The following ASL variants were observed in gnomAD, a reference collection of about 807,000 sequenced individuals.
ASL encodes the protein argininosuccinase.
A neutral mutation model predicts 69.1 loss-of-function variants in ASL; 51 were observed. The observed-to-expected ratio is 0.74, with a 90% confidence interval of 0.59 to 0.93. The LOEUF is 0.93. ASL is among the 40% of genes least tolerant of loss of function. The pLI, the probability that ASL is intolerant of heterozygous loss-of-function variation, is 0.00. For missense variants in ASL, 540 were observed against 623.9 expected, an observed-to-expected ratio of 0.87 and a Z score of 1.43; for synonymous variants, 241 against 247.6, an observed-to-expected ratio of 0.97 and a Z score of 0.25.
chr7:66,076,305 C>A (rs1786345488), intron 2 of ASL, among the ~76,000 whole-genome samples: 1 of 152,214 alleles, frequency 6.6e-6, no homozygotes, highest in African/African-American at 2.4e-5. Flanking sequence ...GCAGGCAGCC[C>A]TTGTGGCAAA....
At position 66,086,862 on chromosome 7, in the gene ASL, G is replaced by C. The variant is rs373263353; in HGVS notation, c.602+41G>C. 2.7e-4 allele frequency: 412 copies of C among 1,544,528 alleles called. No homozygotes were observed. The African/African-American group carries it at 5.0e-3, about 19-fold the overall frequency. The stretch of plus-strand genomic sequence containing the variant: ...GTGCCCCGAGGGCCTGGTGGGGGTG[G>C]CTGCTGCATAGCCTTAGGGATTGAC... On this transcript the variant is annotated intron_variant, in intron 8 of 16. Coordinates refer to ENST00000304874, the MANE Select transcript of ASL (RefSeq NM_000048.4).
At chr7:66,087,243 CGTGTGTGTGTGTGTGTGT>C (rs60055215) in intron 8 of ASL, 73 bp from the exon 9 acceptor site, 21 of 976,742 alleles carry the variant, frequency 2.2e-5, no homozygotes, top group Middle Eastern at 2.2e-4. Flanking sequence ...TGTGTGCGTT[CGTGTGTGTGTGTGTGTGT>C]GTGTGTGTGT....
At chr7:66,081,723 A>C in intron 2 of ASL, 80 bp from the exon 3 acceptor site, 1 of 1,505,542 alleles carries the variant, frequency 6.6e-7, no homozygotes, top group Non-Finnish European at 9.0e-7. Context: ...CAGACTTGAT[A>C]AGTTTCCCAA....
chr7:66,086,853 G>A, intron 8 of ASL, 32 bp downstream of exon 8: 1 of 1,552,584 alleles, frequency 6.4e-7, no homozygotes, highest in South Asian at 1.2e-5. Flanking sequence ...CGAGGGCCTG[G>A]TGGGGGTGGC....
At chr7:66,091,097 CAAAAA>C (rs71051336) in intron 14 of ASL, among the ~76,000 whole-genome samples, 4 of 73,398 alleles carry the variant, frequency 5.4e-5, no homozygotes, top group South Asian at 1.0e-3. Context: ...GACTCCATCT[CAAAAA>C]AAAAAAAAAA....
At chr7:66,078,747 G>A (rs1318366164) in intron 2 of ASL, among the ~76,000 whole-genome samples, 1 of 151,498 alleles carries the variant, frequency 6.6e-6, no homozygotes, top group Non-Finnish European at 1.5e-5. Flanking sequence ...TGATTCTCCT[G>A]CTTCAGACTC....
intron 2 of ASL, among the ~76,000 whole-genome samples, chr7:66,080,582 G>T (rs758214234): frequency 1.3e-5 from 2 of 151,668 alleles, no homozygotes; most frequent in African/African-American, 2.4e-5. Flanking sequence ...ACTCAGCCAG[G>T]TGTGGTGGCA....
intron 2 of ASL, among the ~76,000 whole-genome samples, chr7:66,080,019 A>G (rs1207080081): frequency 1.3e-5 from 2 of 151,974 alleles, no homozygotes; most frequent in Non-Finnish European, 2.9e-5. Context: ...CAGGAGTTTG[A>G]GGCTGCAGTG....
At chr7:66,087,544 C>T (rs940327069) in intron 9 of ASL, 158 bp downstream of exon 9, 4 of 1,016,254 alleles carry the variant, frequency 3.9e-6, no homozygotes, top group Non-Finnish European at 6.0e-6. Flanking sequence ...AGGGGTCACT[C>T]ATGGCAGGGA....
At chr7:66,081,687 G>T in intron 2 of ASL, 116 bp from the exon 3 acceptor site, 1 of 1,275,604 alleles carries the variant, frequency 7.8e-7, no homozygotes, top group Non-Finnish European at 1.1e-6. Flanking sequence ...TGCCCAGTTA[G>T]AATGATCTGA....
rs746665818 is a variant in ASL at position 66,082,891 on chromosome 7, T to C, written c.303T>C (p.Gly101=). 50 of 1,613,540 alleles carry C rather than the reference T, an allele frequency of 3.1e-5. 1 individual carries two copies. In the South Asian group the frequency reaches 4.8e-4, roughly 16 times the overall value. Residue 101 remains glycine (G), a synonymous_variant, in exon 5 of 17, where the codon GGT becomes GGC. Coordinates refer to ENST00000304874, the MANE Select transcript of ASL (RefSeq NM_000048.4). ...CCCTTCACCTCCAGGAGCTCATTGG[T>C]GCAACGGCAGGGAAGCTGCACACGG... ...ANERRLKELI[G]ATAGKLHTGR...
At chr7:66,081,681 C>T in intron 2 of ASL, 122 bp from the exon 3 acceptor site, 1 of 1,200,480 alleles carries the variant, frequency 8.3e-7, no homozygotes, top group Non-Finnish European at 1.2e-6. Context: ...CTTGTCTGCC[C>T]AGTTAGAATG....
intron 2 of ASL, among the ~76,000 whole-genome samples, chr7:66,080,721 C>T (rs1786481205): frequency 6.6e-6 from 1 of 152,218 alleles, no homozygotes; most frequent in African/African-American, 2.4e-5. Flanking sequence ...GAGACTCTAT[C>T]TCAAAGAAAA....
chr7:66,080,832 G>C lies in ASL; in HGVS notation c.13-971G>C, dbSNP rs533465811. On this transcript the variant is annotated intron_variant, in intron 2 of 16. Coordinates refer to ENST00000304874, the MANE Select transcript of ASL (RefSeq NM_000048.4). ...CCTAGAAGGCCAGTGACAATGGGGG[G>C]TGTCAGGGTGCTTTTCAGAGCCAAG... Among the ~76,000 whole-genome samples, 32 of 152,288 alleles carry C rather than the reference G, an allele frequency of 2.1e-4. 1 individual carries two copies. The highest frequency in any genetic ancestry group is 7.7e-4 in the African/African-American group (32 of 41,564).
chr7:66,076,170 A>G, intron 2 of ASL, 77 bp downstream of exon 2: 6 of 1,540,750 alleles, frequency 3.9e-6, no homozygotes, highest in Non-Finnish European at 5.3e-6. Flanking sequence ...GCCTCGGGCC[A>G]CCCTGCTGGG....
At position 66,089,194 on chromosome 7, in the gene ASL, GGGGCGGGGCCTCT is replaced by G. The variant is rs776178127; in HGVS notation, c.918+24_918+36del. On this transcript the variant is annotated intron_variant, in intron 12 of 16. Transcript: ENST00000304874. The stretch of plus-strand genomic sequence containing the variant: ...TGGGCGGGTGAGCAAGGCAGGGGGA[GGGGCGGGGCCTCT>G]GGGCTGATGGTGGGTGGCCAGGGGG... The G allele has an allele frequency of 2.5e-6, 4 of 1,613,452 alleles. No homozygotes were observed. In the African/African-American group the frequency reaches 4.0e-5, roughly 16 times the overall value.
At chr7:66,087,669 G>C in intron 9 of ASL, 60 bp from the exon 10 acceptor site, 4 of 1,598,510 alleles carry the variant, frequency 2.5e-6, no homozygotes, top group Non-Finnish European at 3.4e-6. Flanking sequence ...CAACCTAGTT[G>C]GGGGAGAGGG....
chr7:66,092,217 C>A, intron 15 of ASL, 131 bp downstream of exon 15: 1 of 1,095,506 alleles, frequency 9.1e-7, no homozygotes, highest in Non-Finnish European at 1.3e-6. Flanking sequence ...TTTGGGAAGC[C>A]GAGGTGGGCG....
In ASL at chr7:66,092,887, C is replaced by T. The variant is rs752968765; in HGVS notation, c.1370C>T (p.Ala457Val). The change falls in exon 17 of 17, where the codon GCG (alanine) becomes GTG (valine). Residue 457 changes from alanine to valine, a missense_variant. By Grantham distance (64) the Ala-to-Val change is moderately conservative (BLOSUM62 0). Coordinates refer to ENST00000304874, the MANE Select transcript of ASL (RefSeq NM_000048.4). ...SVDWQIRQVR[A>V]LLQAQQA is the part of the protein sequence containing the mutation. Reference sequence around the variant, plus strand: ...GACTGGCAGATCCGCCAGGTGCGGGCGCTACTGCAGGCACAGCAGGCCTAG... The same window carrying T: ...GACTGGCAGATCCGCCAGGTGCGGGTGCTACTGCAGGCACAGCAGGCCTAG... 6.8e-6 allele frequency: 11 copies of T among 1,610,248 alleles called. No individual in the cohort carries two copies. In the East Asian group the frequency reaches 1.1e-4, roughly 16 times the overall value.
Sources: gnomAD v4.1 joint callset for allele counts (sites outside exome capture counted in the v4.1 genomes callset) on GRCh38, gnomAD v4.1.1 for gene constraint, MANE v1.5 for transcripts, NCBI Gene and HGNC (gene_info 2026-07-23, HGNC 2026-07-21) for gene names.